MEGF9: variants seen among roughly 807,000 people sequenced by gnomAD.
The protein encoded by MEGF9 is multiple EGF like domains 9.
Under a neutral mutation model 46.8 loss-of-function variants are expected in MEGF9, and 6 were observed. The ratio of observed to expected loss-of-function variants is 0.13; its 90% CI spans 0.07 to 0.25. MEGF9 has a LOEUF of 0.25. Ranked by LOEUF, MEGF9 falls within the 10% of genes least tolerant of loss-of-function variation. MEGF9 has a pLI of 1.00. For synonymous variants in MEGF9, 302 were observed against 330.7 expected, an observed-to-expected ratio of 0.91 and a Z score of 0.94; for missense variants, 683 against 792.4, an observed-to-expected ratio of 0.86 and a Z score of 1.66.
chr9:120,714,190 G>A lies in MEGF9; in HGVS notation c.169C>T (p.Pro57Ser). ...AAGQVDASPG[P>S]GLRGEPSHPF... Reference sequence around the variant, plus strand: ...TGGCTGGGCTCGCCCCGCAACCCGGGGCCCGGCGACGCGTCCACCTGCCCC... The same window carrying A: ...TGGCTGGGCTCGCCCCGCAACCCGGAGCCCGGCGACGCGTCCACCTGCCCC... Residue 57 changes from proline to serine, a missense_variant, in exon 1 of 6, where the codon CCC (proline) becomes TCC (serine). Pro to Ser is a moderately conservative substitution (Grantham distance 74). Transcript: ENST00000373930. The A allele has an allele frequency of 1.6e-6, 2 of 1,235,198 alleles. No homozygotes were observed. Among genetic ancestry groups the A allele is most frequent in the Non-Finnish European group, 2.0e-6 (2 of 990,626 alleles). 76.5% of individuals were successfully genotyped at this position (1,235,198 alleles called of 1,614,324 possible). A position where few individuals can be genotyped will look rare whatever the true frequency, so the allele number is the denominator to read the frequency against.
intron 3 of MEGF9, among the ~76,000 whole-genome samples, chr9:120,620,865 C>A (rs534418190): frequency 4.2e-5 from 6 of 143,872 alleles, no homozygotes; most frequent in East Asian, 2.0e-4. Context: ...AAAAAAAAAA[C>A]AATTTCTTCT....
At chr9:120,661,421 G>A (rs1387422039) in intron 1 of MEGF9, among the ~76,000 whole-genome samples, 1 of 152,240 alleles carries the variant, frequency 6.6e-6, no homozygotes, top group Admixed American at 6.5e-5. Context: ...GGAGGCTGAG[G>A]TGGGAGGATC....
intron 1 of MEGF9, among the ~76,000 whole-genome samples, chr9:120,702,246 G>A (rs890080114): frequency 1.3e-5 from 2 of 152,000 alleles, no homozygotes; most frequent in South Asian, 2.1e-4. Flanking sequence ...TCAAAACCCT[G>A]ACTCACTTAG....
chr9:120,710,338 C>T (rs2043947476), intron 1 of MEGF9, among the ~76,000 whole-genome samples: 1 of 150,152 alleles, frequency 6.7e-6, no homozygotes, highest in African/African-American at 2.5e-5. Flanking sequence ...TGAGGAGAAT[C>T]GCTTGAACCC....
Position 120,624,572 on chromosome 9 carries a change from T to G in MEGF9, c.804-1817A>C, listed in dbSNP as rs567881681. Among the ~76,000 whole-genome samples, 13 of 152,202 alleles carry G rather than the reference T, an allele frequency of 8.5e-5. No individual in the cohort carries two copies. The East Asian group carries it at 2.5e-3, about 29-fold the overall frequency. On this transcript the variant is annotated intron_variant, in intron 2 of 5. Transcript: ENST00000373930. ...AAAAAAAAGGTGCTTTTCTCTCTTT[T>G]AAAAGAAAATATAGGCCGGGCGTGG...
chr9:120,672,205 T>C (rs982699561), intron 1 of MEGF9, among the ~76,000 whole-genome samples: 1 of 152,096 alleles, frequency 6.6e-6, no homozygotes, highest in Admixed American at 6.6e-5. Context: ...AAGAATGTCC[T>C]CTCTTGCCAC....
At chr9:120,643,640 A>C (rs888133978) in intron 2 of MEGF9, among the ~76,000 whole-genome samples, 1 of 152,062 alleles carries the variant, frequency 6.6e-6, no homozygotes, top group Admixed American at 6.6e-5. Context: ...TTTAAAGAGG[A>C]GTTGCAAAGA....
At chr9:120,701,568 C>A (rs2043905138) in intron 1 of MEGF9, among the ~76,000 whole-genome samples, 1 of 152,114 alleles carries the variant, frequency 6.6e-6, no homozygotes. Context: ...CCCGTCTGAT[C>A]TAATTGGAAA....
intron 2 of MEGF9, among the ~76,000 whole-genome samples, chr9:120,641,219 T>A (rs890964410): frequency 6.6e-6 from 1 of 152,176 alleles, no homozygotes; most frequent in African/African-American, 2.4e-5. Flanking sequence ...GGAAATAGAA[T>A]ATTCATTCTA....
At chr9:120,696,833 G>A (rs1175617225) in intron 1 of MEGF9, among the ~76,000 whole-genome samples, 1 of 152,132 alleles carries the variant, frequency 6.6e-6, no homozygotes, top group Admixed American at 6.5e-5. Flanking sequence ...CTTTATATAT[G>A]TATTCTCCAC....
chr9:120,610,255 G>A (rs1213298587), intron 4 of MEGF9, among the ~76,000 whole-genome samples: 1 of 152,150 alleles, frequency 6.6e-6, no homozygotes, highest in East Asian at 1.9e-4. Flanking sequence ...GCTTACAACA[G>A]TACCATATTT....
chr9:120,622,417 C>G (rs72755756), intron 3 of MEGF9, among the ~76,000 whole-genome samples, 199 bp downstream of exon 3: 1 of 101,196 alleles, frequency 9.9e-6, no homozygotes, highest in Non-Finnish European at 2.0e-5. Flanking sequence ...AGGTATATGA[C>G]TTTTTTTTTT....
chr9:120,710,408 G>C (rs928408815), intron 1 of MEGF9, among the ~76,000 whole-genome samples: 1 of 132,520 alleles, frequency 7.5e-6, no homozygotes, highest in Non-Finnish European at 1.6e-5. Context: ...TGGGCAACAA[G>C]AGCGAAACTC....
chr9:120,697,420 A>ATT (rs58868038), intron 1 of MEGF9, among the ~76,000 whole-genome samples: 2 of 140,074 alleles, frequency 1.4e-5, no homozygotes, highest in East Asian at 2.1e-4. Flanking sequence ...GTCATCTGCT[A>ATT]TTTTTTTTTT....
At chr9:120,656,512 A>G (rs926910797) in intron 2 of MEGF9, among the ~76,000 whole-genome samples, 3 of 137,340 alleles carry the variant, frequency 2.2e-5, no homozygotes, top group Middle Eastern at 4.3e-3. Context: ...GTGCCACTGC[A>G]CTCCAGCCTG....
At chr9:120,689,743 T>C (rs967626417) in intron 1 of MEGF9, among the ~76,000 whole-genome samples, 10 of 152,122 alleles carry the variant, frequency 6.6e-5, no homozygotes, top group Admixed American at 2.6e-4. Context: ...ACTCAGAAGG[T>C]AGGAAAATTG....
intron 1 of MEGF9, among the ~76,000 whole-genome samples, chr9:120,679,141 T>C (rs1425452857): frequency 6.6e-6 from 1 of 152,180 alleles, no homozygotes; most frequent in Non-Finnish European, 1.5e-5. Context: ...AACCAAAGGA[T>C]TATAAATCAT....
chr9:120,700,056 C>A (rs1224771599), intron 1 of MEGF9, among the ~76,000 whole-genome samples: 5 of 152,098 alleles, frequency 3.3e-5, no homozygotes, highest in Non-Finnish European at 5.9e-5. Context: ...CTAATATAAA[C>A]CATGTAACTT....
At chr9:120,664,995 T>C (rs796292262) in intron 1 of MEGF9, among the ~76,000 whole-genome samples, 41 of 152,314 alleles carry the variant, frequency 2.7e-4, no homozygotes, top group African/African-American at 9.6e-4. Context: ...CCTCAAACAT[T>C]GATCATTTCA....
Sources: gnomAD v4.1 joint callset for allele counts (sites outside exome capture counted in the v4.1 genomes callset) on GRCh38, gnomAD v4.1.1 for gene constraint, MANE v1.5 for transcripts, NCBI Gene and HGNC (gene_info 2026-07-23, HGNC 2026-07-21) for gene names.